Variants in DCC observed in about 807,000 individuals in gnomAD.
DCC encodes netrin receptor DCC.
Under a neutral mutation model 172.5 loss-of-function variants are expected in DCC, and 58 were observed. That is an observed-to-expected ratio of 0.34 (90% CI 0.27 to 0.42). DCC has a LOEUF of 0.42. Among genes scored for constraint, DCC ranks in the 10% least tolerant of loss-of-function variants. The probability of loss-of-function intolerance (pLI) is 1.00; values close to 1 mark genes in which losing one functional copy is unlikely to be tolerated. For synonymous variants in DCC, 709 were observed against 644.5 expected (o/e 1.10, Z -1.52); for missense variants, 1,740 against 1,791.0 (o/e 0.97, Z 0.51).
intron 12 of DCC, among the ~76,000 whole-genome samples, chr18:53,299,085 C>T (rs2057102323): frequency 6.6e-6 from 1 of 152,152 alleles, no homozygotes; most frequent in South Asian, 2.1e-4. Context: ...GGTTTTCTTT[C>T]CTAGTTTCTA....
intron 27 of DCC, among the ~76,000 whole-genome samples, chr18:53,525,055 G>A (rs946647547): frequency 1.5e-4 from 23 of 152,038 alleles, no homozygotes; most frequent in African/African-American, 5.6e-4. Flanking sequence ...AGCGTGAATA[G>A]TTAGCCCTCT....
chr18:53,054,217 T>G (rs2042372265), intron 5 of DCC, among the ~76,000 whole-genome samples: 1 of 152,100 alleles, frequency 6.6e-6, no homozygotes, highest in Non-Finnish European at 1.5e-5. Flanking sequence ...ATAGTTGTAT[T>G]GTTATTTTTT....
At chr18:53,449,735 G>C (rs1266414572) in intron 22 of DCC, among the ~76,000 whole-genome samples, 2 of 152,042 alleles carry the variant, frequency 1.3e-5, no homozygotes, top group Non-Finnish European at 2.9e-5. Context: ...GCTTAATCTT[G>C]TTTTTATTGA....
Position 53,094,444 on chromosome 18 carries a change from A to G in DCC, c.1261+28278A>G, listed in dbSNP as rs374450551. Among the ~76,000 whole-genome samples the G allele has an allele frequency of 4.3e-4, 65 of 152,354 alleles. 1 individual carries two copies. Among genetic ancestry groups the G allele is most frequent in the African/African-American group, 1.6e-3 (65 of 41,592 alleles). On this transcript the variant is annotated intron_variant, in intron 7 of 28. Transcript: ENST00000442544. ...TGTCACTTTTAGCCCAATTCTTACT[A>G]TCTGAAAGATTCATCAGCATTCTTG...
At chr18:53,363,836 A>G (rs895617686) in intron 15 of DCC, among the ~76,000 whole-genome samples, 8 of 152,196 alleles carry the variant, frequency 5.3e-5, no homozygotes, top group Non-Finnish European at 8.8e-5. Context: ...CTTTCCAAGT[A>G]TGAGTCTTCA....
At chr18:52,887,723 T>G (rs9950907) in intron 2 of DCC, among the ~76,000 whole-genome samples, 59,718 of 151,992 alleles carry the variant, frequency 0.39, 12,332 homozygotes, top group Non-Finnish European at 0.47. Context: ...CCTCAAAATG[T>G]CAAAATTTGG....
chr18:52,343,914 A>T (rs1014523875), intron 1 of DCC, among the ~76,000 whole-genome samples: 1 of 147,154 alleles, frequency 6.8e-6, no homozygotes, highest in Non-Finnish European at 1.5e-5. Context: ...CTGGCAGTCC[A>T]CTCCTCTGTG....
intron 19 of DCC, among the ~76,000 whole-genome samples, chr18:53,406,836 A>C (rs527734214): frequency 6.6e-6 from 1 of 152,118 alleles, no homozygotes; most frequent in Non-Finnish European, 1.5e-5. Context: ...TGAATTTATT[A>C]TCTCTCAAAT....
At chr18:53,365,695 G>GC (rs2057998123) in intron 15 of DCC, among the ~76,000 whole-genome samples, 2 of 152,194 alleles carry the variant, frequency 1.3e-5, no homozygotes, top group South Asian at 4.1e-4. Flanking sequence ...AAGCAAAAAT[G>GC]CAGCACACTA....
chr18:53,378,105 G>A (rs1907438938), intron 15 of DCC, among the ~76,000 whole-genome samples: 1 of 152,042 alleles, frequency 6.6e-6, no homozygotes, highest in African/African-American at 2.4e-5. Context: ...GGGATTACAG[G>A]CACGTGCCTC....
chr18:53,064,512 C>T (rs895629849), intron 6 of DCC, among the ~76,000 whole-genome samples: 1 of 152,118 alleles, frequency 6.6e-6, no homozygotes, highest in Non-Finnish European at 1.5e-5. Context: ...GACACAAGCT[C>T]TCTCCATCGT....
At chr18:52,399,496 C>T (rs1191064666) in intron 1 of DCC, among the ~76,000 whole-genome samples, 1 of 151,932 alleles carries the variant, frequency 6.6e-6, no homozygotes, top group Non-Finnish European at 1.5e-5. Flanking sequence ...ATTCCTTCTC[C>T]TTATTCTTCA....
intron 1 of DCC, among the ~76,000 whole-genome samples, chr18:52,428,247 TG>T (rs1201768154): frequency 6.6e-6 from 1 of 151,838 alleles, no homozygotes; most frequent in East Asian, 1.9e-4. Flanking sequence ...AATGACAGGT[TG>T]GTGAGCAGAA....
intron 1 of DCC, among the ~76,000 whole-genome samples, chr18:52,739,944 C>T (rs1383940500): frequency 1.3e-5 from 2 of 152,098 alleles, no homozygotes; most frequent in Admixed American, 6.5e-5. Context: ...AAAATGGGTC[C>T]TGAATATGGA....
chr18:52,779,382 T>C (rs1378716608), intron 2 of DCC, among the ~76,000 whole-genome samples: 1 of 152,096 alleles, frequency 6.6e-6, no homozygotes, highest in African/African-American at 2.4e-5. Context: ...TCAACTCCCA[T>C]TTAGGAGTGA....
chr18:52,382,356 A>G (rs1822448), intron 1 of DCC, among the ~76,000 whole-genome samples: 80,287 of 151,994 alleles, frequency 0.53, 22,732 homozygotes, highest in African/African-American at 0.74. Flanking sequence ...AAGCTATATT[A>G]ACCACAACTA....
intron 12 of DCC, among the ~76,000 whole-genome samples, chr18:53,257,737 G>C (rs1394600645): frequency 6.6e-6 from 1 of 152,174 alleles, no homozygotes; most frequent in Non-Finnish European, 1.5e-5. Flanking sequence ...AAATGAGTTA[G>C]GGAGGATTCC....
At chr18:52,564,877 G>A (rs532402562) in intron 1 of DCC, among the ~76,000 whole-genome samples, 36 of 152,138 alleles carry the variant, frequency 2.4e-4, no homozygotes, top group South Asian at 1.5e-3. Flanking sequence ...TTGCTTAGGC[G>A]GCCTTACATC....
chr18:53,151,060 G>A (rs1399868530), intron 7 of DCC, among the ~76,000 whole-genome samples: 1 of 152,176 alleles, frequency 6.6e-6, no homozygotes, highest in African/African-American at 2.4e-5. Context: ...ATTTGAAAAT[G>A]GATTGAACAG....
Sources: allele counts gnomAD v4.1 joint callset (sites outside exome capture counted in the v4.1 genomes callset), GRCh38; gene constraint gnomAD v4.1.1; transcripts MANE v1.5; gene names NCBI Gene and HGNC (gene_info 2026-07-23, HGNC 2026-07-21).